The following ST8SIA6 variants were observed in gnomAD, a reference collection of about 807,000 sequenced individuals.
ST8SIA6 encodes ST8 alpha-N-acetyl-neuraminide alpha-2,8-sialyltransferase 6, also known as alpha-2,8-sialyltransferase 8F.
A neutral mutation model predicts 33.6 loss-of-function variants in ST8SIA6; 39 were observed. The observed-to-expected ratio is 1.16, with a 90% CI of 0.90 to 1.52. ST8SIA6 has a LOEUF of 1.52. Ranked by LOEUF, ST8SIA6 falls within the 40% of genes most tolerant of loss-of-function variation. The probability of loss-of-function intolerance (pLI) is 0.00; values close to 1 mark genes in which losing one functional copy is unlikely to be tolerated. For missense variants in ST8SIA6, 441 were observed against 443.8 expected, an observed-to-expected ratio of 0.99 and a Z score of 0.06; for synonymous variants, 172 against 167.2, an observed-to-expected ratio of 1.03 and a Z score of -0.22.
At chr10:17,346,062 G>C (rs1204089359) in intron 4 of ST8SIA6, among the ~76,000 whole-genome samples, 1 of 152,198 alleles carries the variant, frequency 6.6e-6, no homozygotes, top group Non-Finnish European at 1.5e-5. Context: ...CTCTTGGAAC[G>C]TTCATTCTCT....
In ST8SIA6 at chr10:17,315,691, TG is replaced by T. The variant is rs1038367281; in HGVS notation, c.*5186del. Among the ~76,000 whole-genome samples the T allele has an allele frequency of 6.6e-6, 1 of 151,932 alleles. No individual in the cohort carries two copies. The highest frequency in any genetic ancestry group is 2.4e-5 in the African/African-American group (1 of 41,394). On this transcript the variant is annotated 3_prime_UTR_variant, in exon 8 of 8. Transcript: ENST00000377602. ...ATGTAAACAGTCTATAGTGTAAAAATGTAAATGTCTATAGAAAAACAGATTA... is the reference window on the plus strand; with the variant it reads ...ATGTAAACAGTCTATAGTGTAAAAATTAAATGTCTATAGAAAAACAGATTA...
chr10:17,323,236 C>T, intron 6 of ST8SIA6, 79 bp from the exon 7 acceptor site: 1 of 785,598 alleles, frequency 1.3e-6, no homozygotes. Context: ...CGCGCACACA[C>T]ACACACACAC....
intron 2 of ST8SIA6, among the ~76,000 whole-genome samples, chr10:17,420,555 A>G (rs1356864673): frequency 6.6e-6 from 1 of 152,228 alleles, no homozygotes; most frequent in Non-Finnish European, 1.5e-5. Context: ...ATACTCATGC[A>G]TATCTCCTGG....
chr10:17,370,107 A>T (rs993490716), intron 3 of ST8SIA6, among the ~76,000 whole-genome samples: 2 of 150,976 alleles, frequency 1.3e-5, no homozygotes, highest in African/African-American at 4.9e-5. Context: ...CAGCCTCCCC[A>T]GTAGCTGGGA....
At chr10:17,400,624 C>T (rs913463848) in intron 2 of ST8SIA6, among the ~76,000 whole-genome samples, 3 of 152,200 alleles carry the variant, frequency 2.0e-5, no homozygotes, top group African/African-American at 7.2e-5. Flanking sequence ...GCTGGTTCAA[C>T]ATACGCAAAT....
chr10:17,329,042 GAC>G (rs1172335630), intron 5 of ST8SIA6, among the ~76,000 whole-genome samples: 1 of 152,154 alleles, frequency 6.6e-6, no homozygotes, highest in Non-Finnish European at 1.5e-5. Flanking sequence ...AGTCCGGAGT[GAC>G]AGAAGATGCC....
chr10:17,434,609 A>C (rs1312153489), intron 2 of ST8SIA6, among the ~76,000 whole-genome samples: 1 of 152,076 alleles, frequency 6.6e-6, no homozygotes, highest in Admixed American at 6.6e-5. Context: ...TCTTAATGAA[A>C]CTCAGGGTGA....
chr10:17,319,487 T>C lies in ST8SIA6; in HGVS notation c.*1391A>G, dbSNP rs1398721256. Among the ~76,000 whole-genome samples, 1 of 152,168 alleles carries C rather than the reference T, an allele frequency of 6.6e-6. No individual in the cohort carries two copies. Among genetic ancestry groups the C allele is most frequent in the Non-Finnish European group, 1.5e-5 (1 of 68,024 alleles). On this transcript the variant is annotated 3_prime_UTR_variant, in exon 8 of 8. Transcript: ENST00000377602. ...AACTTCAGATGTGTTAACTTGGAAA[T>C]GTCTACAATTTTCTCCACAAAAGAA...
chr10:17,441,606 GC>G (rs908890158), intron 2 of ST8SIA6, among the ~76,000 whole-genome samples: 8 of 152,040 alleles, frequency 5.3e-5, no homozygotes, highest in African/African-American at 1.9e-4. Flanking sequence ...ACTGCACCCG[GC>G]CCCTGGATCT....
intron 4 of ST8SIA6, among the ~76,000 whole-genome samples, chr10:17,335,569 T>TA (rs1422725115): frequency 7.2e-5 from 11 of 152,178 alleles, no homozygotes; most frequent in Non-Finnish European, 5.9e-5. Context: ...ATATCCTTCT[T>TA]AATTGGATTC....
intron 4 of ST8SIA6, among the ~76,000 whole-genome samples, chr10:17,339,063 C>T (rs1406574823): frequency 6.6e-6 from 1 of 152,112 alleles, no homozygotes; most frequent in Non-Finnish European, 1.5e-5. Context: ...ATCATCTTTG[C>T]ATTACAAATT....
At position 17,366,565 on chromosome 10, in the gene ST8SIA6, C is replaced by T. The variant is rs1849565566; in HGVS notation, c.291-6965G>A. On this transcript the variant is annotated intron_variant, in intron 3 of 7. Coordinates refer to ENST00000377602, the MANE Select transcript of ST8SIA6 (RefSeq NM_001004470.3). Reference sequence around the variant, plus strand: ...TGAGCAGTGACTAACCTCAGCCAACCAAGAGGGAATGGTGTATCTGTTTAC... The same window carrying T: ...TGAGCAGTGACTAACCTCAGCCAACTAAGAGGGAATGGTGTATCTGTTTAC... Among the ~76,000 whole-genome samples the T allele has an allele frequency of 2.0e-5, 3 of 151,950 alleles. No homozygotes were observed. In the South Asian group the frequency reaches 6.2e-4, roughly 32 times the overall value.
At chr10:17,406,699 A>G (rs1851275390) in intron 2 of ST8SIA6, among the ~76,000 whole-genome samples, 2 of 152,032 alleles carry the variant, frequency 1.3e-5, no homozygotes, top group South Asian at 4.1e-4. Flanking sequence ...TGTGCCCATG[A>G]ATCACCTGAG....
At chr10:17,370,981 A>G (rs1421523087) in intron 3 of ST8SIA6, among the ~76,000 whole-genome samples, 2 of 152,364 alleles carry the variant, frequency 1.3e-5, no homozygotes, top group Middle Eastern at 3.4e-3. Context: ...GATGTTTGCC[A>G]TAATCCAGCA....
rs956180701 is a variant in ST8SIA6, at chr10:17,316,482, T to C, written c.*4396A>G. On this transcript the variant is annotated 3_prime_UTR_variant, in exon 8 of 8. Transcript: ENST00000377602. ...ATGGAATAAATACCTTAATACTTGT[T>C]TTTTTGTGTGGATCAGAACAGGTCC... 6.6e-6 allele frequency among the ~76,000 whole-genome samples: 1 copy of C among 152,120 alleles called. No homozygotes were observed. Among genetic ancestry groups the C allele is most frequent in the Non-Finnish European group, 1.5e-5 (1 of 67,958 alleles).
intron 3 of ST8SIA6, chr10:17,387,081 T>C (rs1407624662): frequency 1.3e-5 from 2 of 152,094 alleles, no homozygotes; most frequent in African/African-American, 4.8e-5. Context: ...TATTGGTGAG[T>C]TCCACGTACG....
At chr10:17,334,852 T>C (rs972986497) in intron 4 of ST8SIA6, among the ~76,000 whole-genome samples, 3 of 152,156 alleles carry the variant, frequency 2.0e-5, no homozygotes, top group Middle Eastern at 3.2e-3. Context: ...CTCTGGCAAG[T>C]GCATGTAGAA....
At chr10:17,368,392 A>G (rs1849626177) in intron 3 of ST8SIA6, among the ~76,000 whole-genome samples, 1 of 125,942 alleles carries the variant, frequency 7.9e-6, no homozygotes, top group Admixed American at 9.5e-5. Context: ...GGGCAACAAG[A>G]GTGAAGCTCT....
intron 3 of ST8SIA6, among the ~76,000 whole-genome samples, chr10:17,362,231 G>A (rs1057206969): frequency 6.6e-6 from 1 of 152,122 alleles, no homozygotes; most frequent in African/African-American, 2.4e-5. Context: ...ATTCAGAGAT[G>A]ACATAATCAT....
Sources: gnomAD v4.1 joint callset for allele counts (sites outside exome capture counted in the v4.1 genomes callset) on GRCh38, gnomAD v4.1.1 for gene constraint, MANE v1.5 for transcripts, NCBI Gene and HGNC (gene_info 2026-07-23, HGNC 2026-07-21) for gene names.